Variants in CTNNA3 observed in about 807,000 individuals in gnomAD.
CTNNA3 encodes the protein catenin alpha 3.
Under a neutral mutation model 95.7 loss-of-function variants are expected in CTNNA3, and 76 were observed. The observed-to-expected ratio is 0.79, with a 90% CI of 0.66 to 0.96. CTNNA3 has a LOEUF of 0.96. CTNNA3 is among the 40% of genes least tolerant of loss of function. CTNNA3 has a pLI of 0.00. For missense variants in CTNNA3, 1,191 were observed against 1,089.8 expected, an observed-to-expected ratio of 1.09 and a Z score of -1.31; for synonymous variants, 431 against 374.4, an observed-to-expected ratio of 1.15 and a Z score of -1.74.
At chr10:66,879,773 T>A (rs1844774232) in intron 7 of CTNNA3, among the ~76,000 whole-genome samples, 1 of 152,088 alleles carries the variant, frequency 6.6e-6, no homozygotes, top group Admixed American at 6.6e-5. Flanking sequence ...AAAATTATGA[T>A]GCAGAGGTAG....
intron 14 of CTNNA3, among the ~76,000 whole-genome samples, chr10:66,088,654 C>T (rs1381445217): frequency 1.3e-5 from 2 of 151,994 alleles, no homozygotes; most frequent in Non-Finnish European, 2.9e-5. Context: ...TTCCTGCAGA[C>T]AGCTTACCCT....
chr10:66,676,682 T>A (rs1456790834), intron 9 of CTNNA3, among the ~76,000 whole-genome samples: 1 of 152,150 alleles, frequency 6.6e-6, no homozygotes, highest in Non-Finnish European at 1.5e-5. Context: ...AATGCCATAT[T>A]TTCCATGTAC....
intron 15 of CTNNA3, among the ~76,000 whole-genome samples, chr10:66,035,455 C>T (rs1160171947): frequency 2.0e-5 from 3 of 150,748 alleles, no homozygotes; most frequent in African/African-American, 7.3e-5. Flanking sequence ...TACATATATA[C>T]CTACATAAAA....
chr10:66,358,073 T>C (rs1484453610), intron 12 of CTNNA3, among the ~76,000 whole-genome samples: 1 of 152,164 alleles, frequency 6.6e-6, no homozygotes, highest in African/African-American at 2.4e-5. Flanking sequence ...CCTTTTAGTG[T>C]CCATGGTTCT....
At chr10:66,366,740 T>G (rs1215782241) in intron 12 of CTNNA3, among the ~76,000 whole-genome samples, 1 of 152,142 alleles carries the variant, frequency 6.6e-6, no homozygotes, top group Non-Finnish European at 1.5e-5. Flanking sequence ...GATGGTCTAA[T>G]TATAAAAGCT....
chr10:66,677,757 T>C (rs919386197), intron 9 of CTNNA3, among the ~76,000 whole-genome samples: 3 of 152,136 alleles, frequency 2.0e-5, no homozygotes, highest in Non-Finnish European at 2.9e-5. Flanking sequence ...CTTTATAAGG[T>C]CCATTAAACT....
intron 2 of CTNNA3, among the ~76,000 whole-genome samples, chr10:67,638,087 A>C (rs1839387552): frequency 6.6e-6 from 1 of 152,218 alleles, no homozygotes; most frequent in African/African-American, 2.4e-5. Context: ...TAAAGAGTCA[A>C]GACCCATCAG....
At chr10:65,936,391 G>A (rs1320004330) in intron 17 of CTNNA3, among the ~76,000 whole-genome samples, 4 of 151,886 alleles carry the variant, frequency 2.6e-5, no homozygotes, top group East Asian at 1.9e-4. Flanking sequence ...TTGTATTAAC[G>A]CTATAAAAGG....
At chr10:66,615,601 A>G (rs1172262020) in intron 10 of CTNNA3, among the ~76,000 whole-genome samples, 1 of 152,004 alleles carries the variant, frequency 6.6e-6, no homozygotes, top group African/African-American at 2.4e-5. Flanking sequence ...ACTATTATCT[A>G]CTTTATTATT....
At chr10:66,065,858 ATTT>A (rs2080302452) in intron 15 of CTNNA3, among the ~76,000 whole-genome samples, 1 of 151,596 alleles carries the variant, frequency 6.6e-6, no homozygotes. Context: ...TATTATTATT[ATTT>A]TATTTATTTT....
At chr10:67,603,419 TC>T (rs1340373198) in intron 3 of CTNNA3, among the ~76,000 whole-genome samples, 2 of 152,164 alleles carry the variant, frequency 1.3e-5, no homozygotes, top group African/African-American at 4.8e-5. Flanking sequence ...TGGTAACACT[TC>T]CAGAAGAAGG....
chr10:67,603,029 G>T (rs545004571), intron 3 of CTNNA3, among the ~76,000 whole-genome samples: 3 of 152,130 alleles, frequency 2.0e-5, no homozygotes, highest in Non-Finnish European at 2.9e-5. Context: ...TACCTGCCAC[G>T]CTCAATAAAT....
At chr10:66,933,103 A>G (rs2132648429) in intron 7 of CTNNA3, among the ~76,000 whole-genome samples, 1 of 152,346 alleles carries the variant, frequency 6.6e-6, no homozygotes, top group Admixed American at 6.5e-5. Flanking sequence ...TTCTTTTCAA[A>G]AAGCCCTTAG....
intron 9 of CTNNA3, among the ~76,000 whole-genome samples, chr10:66,687,726 C>A (rs985154541): frequency 2.9e-4 from 28 of 96,142 alleles, no homozygotes; most frequent in Non-Finnish European, 5.5e-4. Context: ...TATACACACA[C>A]ACACACATAC....
At chr10:66,380,625 C>A (rs200122392) in intron 11 of CTNNA3, among the ~76,000 whole-genome samples, 6,384 of 122,666 alleles carry the variant, frequency 0.052, 355 homozygotes, top group African/African-American at 0.16. Flanking sequence ...ATCTATCTAT[C>A]TATATATATA....
intron 7 of CTNNA3, among the ~76,000 whole-genome samples, chr10:67,081,838 G>A (rs1857075390): frequency 6.6e-6 from 1 of 152,200 alleles, no homozygotes; most frequent in South Asian, 2.1e-4. Context: ...TAGCCCAGCA[G>A]AGGTGATCAT....
intron 1 of CTNNA3, among the ~76,000 whole-genome samples, chr10:67,728,561 C>A (rs1028749805): frequency 6.6e-6 from 1 of 151,596 alleles, no homozygotes; most frequent in African/African-American, 2.4e-5. Context: ...CAGGTTCAAG[C>A]GATTCCAGGT....
At chr10:66,340,107 CACTT>C (rs1446413441) in intron 12 of CTNNA3, among the ~76,000 whole-genome samples, 1 of 151,758 alleles carries the variant, frequency 6.6e-6, no homozygotes, top group Non-Finnish European at 1.5e-5. Flanking sequence ...TCTTGGTTGA[CACTT>C]AGAGCTTGCC....
At chr10:67,715,939 T>C (rs371488037) in intron 1 of CTNNA3, among the ~76,000 whole-genome samples, 2 of 152,334 alleles carry the variant, frequency 1.3e-5, no homozygotes, top group South Asian at 2.1e-4. Context: ...TACAATGTTC[T>C]GAGTTGTAAG....
Sources: allele counts gnomAD v4.1 joint callset (sites outside exome capture counted in the v4.1 genomes callset), GRCh38; gene constraint gnomAD v4.1.1; transcripts MANE v1.5; gene names NCBI Gene and HGNC (gene_info 2026-07-23, HGNC 2026-07-21).